Variants in ELP2 observed in about 807,000 individuals in gnomAD.
ELP2 encodes the protein elongator acetyltransferase complex subunit 2, also known as elongator complex protein 2.
In ELP2, 90 loss-of-function variants were observed where a neutral mutation model predicts 119.2. The observed-to-expected ratio is 0.75, with a 90% CI of 0.64 to 0.90. The LOEUF (loss-of-function observed/expected upper bound fraction) is 0.90, where lower values mean the gene tolerates loss of function less well. Among genes scored for constraint, ELP2 ranks in the 40% least tolerant of loss-of-function variants. ELP2 has a pLI of 0.00. For synonymous variants in ELP2, 339 were observed against 331.0 expected, an observed-to-expected ratio of 1.02 and a Z score of -0.26; for missense variants, 921 against 967.8, an observed-to-expected ratio of 0.95 and a Z score of 0.64.
intron 9 of ELP2, 89 bp from the exon 10 acceptor site, chr18:36,145,859 C>T: frequency 9.6e-7 from 1 of 1,044,758 alleles, no homozygotes. Flanking sequence ...AACATCCTTG[C>T]AGTACCCATG....
chr18:36,136,257 A>G, intron 2 of ELP2, 50 bp from the exon 3 acceptor site: 8 of 1,439,952 alleles, frequency 5.6e-6, no homozygotes, highest in Middle Eastern at 1.8e-4. Flanking sequence ...ATTTTTAAAA[A>G]TTGCAGAAAA....
At position 36,174,813 on chromosome 18, in the gene ELP2, C is replaced by T; in HGVS notation, c.*172C>T. ...CCAGGTTCAAGCGATTCTCTTTCTTCAGCCTCCTGAGTAGCTGGGACTAGA... is the reference window on the plus strand; with the variant it reads ...CCAGGTTCAAGCGATTCTCTTTCTTTAGCCTCCTGAGTAGCTGGGACTAGA... On this transcript the variant is annotated 3_prime_UTR_variant, in exon 22 of 22. Transcript: ENST00000358232. The T allele has an allele frequency of 1.6e-6, 1 of 624,614 alleles. No individual in the cohort carries two copies. The highest frequency in any genetic ancestry group is 2.0e-5 in the South Asian group (1 of 51,064). 38.7% of individuals were successfully genotyped at this position (624,614 alleles called of 1,614,324 possible). A position where few individuals can be genotyped will look rare whatever the true frequency, so the allele number is the denominator to read the frequency against.
chr18:36,174,398 A>G (rs2091170619), intron 21 of ELP2, 87 bp from the exon 22 acceptor site: 2 of 1,309,132 alleles, frequency 1.5e-6, no homozygotes, highest in African/African-American at 1.5e-5. Context: ...TAAAACCTGT[A>G]CATTTCAATT....
At chr18:36,143,636 A>G (rs2090110773) in intron 8 of ELP2, among the ~76,000 whole-genome samples, 1 of 151,612 alleles carries the variant, frequency 6.6e-6, no homozygotes, top group Non-Finnish European at 1.5e-5. Context: ...GCCTCAAATG[A>G]TCCTTCCACC....
chr18:36,166,319 GTTTTTTTTTTTTT>G (rs60477950), intron 18 of ELP2, among the ~76,000 whole-genome samples: 11 of 71,694 alleles, frequency 1.5e-4, no homozygotes, highest in South Asian at 1.2e-3. Flanking sequence ...GTTTTTTAGG[GTTTTTTTTTTTTT>G]TTTTTTTTTT....
chr18:36,138,620 G>C (rs1435956401), intron 4 of ELP2, 175 bp from the exon 5 acceptor site: 3 of 861,454 alleles, frequency 3.5e-6, no homozygotes, highest in South Asian at 3.1e-5. Flanking sequence ...TCATTTTGCT[G>C]TCTGTAACAT....
chr18:36,142,166 T>C, intron 6 of ELP2, 115 bp from the exon 7 acceptor site: 3 of 839,108 alleles, frequency 3.6e-6, no homozygotes, highest in South Asian at 1.4e-5. Flanking sequence ...TCTAATCAAA[T>C]AGTGTTCTCA....
intron 19 of ELP2, among the ~76,000 whole-genome samples, chr18:36,167,578 T>C (rs1379540008): frequency 6.6e-6 from 1 of 152,218 alleles, no homozygotes; most frequent in African/African-American, 2.4e-5. Context: ...TTTCTTACTT[T>C]TATGAATTTA....
At position 36,159,771 on chromosome 18, in the gene ELP2, T is replaced by G; in HGVS notation, c.1571T>G (p.Leu524Arg). ...TCTCAGCCTTCTGATGAAGAGGAGC[T>G]GTTAACTAGTACTGGTTTTGAGTAT... ...IASQPSDEEE[L>R]LTSTGFEYQQ... is the part of the protein sequence containing the mutation. The change falls in exon 15 of 22, where the codon CTG becomes CGG. Residue 524 changes from leucine to arginine, a missense_variant. Transcript: ENST00000358232. The G allele has an allele frequency of 1.2e-6, 2 of 1,614,042 alleles. No individual in the cohort carries two copies. Among genetic ancestry groups the G allele is most frequent in the Non-Finnish European group, 1.7e-6 (2 of 1,179,930 alleles).
At chr18:36,142,207 G>T in intron 6 of ELP2, 74 bp from the exon 7 acceptor site, 1 of 1,226,604 alleles carries the variant, frequency 8.2e-7, no homozygotes. Context: ...GACTGTCTGA[G>T]ACCAAATGAT....
At chr18:36,147,826 T>C (rs985730119) in intron 11 of ELP2, among the ~76,000 whole-genome samples, 2 of 151,366 alleles carry the variant, frequency 1.3e-5, no homozygotes, top group African/African-American at 2.5e-5. Context: ...TTTATTTTAT[T>C]ATTATTGTTG....
At position 36,136,252 on chromosome 18, in the gene ELP2, T is replaced by C. The variant is rs549365521; in HGVS notation, c.218-55T>C. 14 of 1,408,776 alleles carry C rather than the reference T, an allele frequency of 9.9e-6. No individual in the cohort carries two copies. The African/African-American group carries it at 1.8e-4, about 18-fold the overall frequency. The allele number at this position is 1,408,776 out of a possible 1,614,324, so 87.3% of individuals were successfully genotyped here. ...TTTTTTGGTGTAGCTTGGAAATTTTTAAAAATTGCAGAAAAAATGAATAAA... is the reference window on the plus strand; with the variant it reads ...TTTTTTGGTGTAGCTTGGAAATTTTCAAAAATTGCAGAAAAAATGAATAAA... On this transcript the variant is annotated intron_variant, in intron 2 of 21. Transcript: ENST00000358232.
At position 36,178,115 on chromosome 18, in the gene ELP2, C is replaced by G. The variant is rs2091265595; in HGVS notation, c.*3474C>G. 1 of 152,258 alleles carries G rather than the reference C, an allele frequency of 6.6e-6. No individual in the cohort carries two copies. The highest frequency in any genetic ancestry group is 1.5e-5 in the Non-Finnish European group (1 of 68,076). The allele number at this position is 152,258 out of a possible 1,614,324, so 9.4% of individuals were successfully genotyped here. A position where few individuals can be genotyped will look rare whatever the true frequency, so the allele number is the denominator to read the frequency against. Reference sequence around the variant, plus strand: ...AACAAGCTGCCCTCCCCAACTCCCTCCTTCCTGTTTCTCCCTCCTCGGCAC... The same window carrying G: ...AACAAGCTGCCCTCCCCAACTCCCTGCTTCCTGTTTCTCCCTCCTCGGCAC... On this transcript the variant is annotated 3_prime_UTR_variant, in exon 22 of 22. Coordinates refer to ENST00000358232, the MANE Select transcript of ELP2 (RefSeq NM_018255.4).
intron 1 of ELP2, among the ~76,000 whole-genome samples, chr18:36,132,584 G>T (rs922033400): frequency 1.3e-5 from 2 of 152,196 alleles, no homozygotes; most frequent in Non-Finnish European, 2.9e-5. Flanking sequence ...CTTTAATGGT[G>T]TGTGAAGTAT....
chr18:36,176,053 A>G lies in ELP2; in HGVS notation c.*1412A>G, dbSNP rs2144855580. 1.3e-5 allele frequency: 2 copies of G among 152,314 alleles called. 1 individual carries two copies. The highest frequency in any genetic ancestry group is 4.1e-4 in the South Asian group (2 of 4,830). The allele number at this position is 152,314 out of a possible 1,614,324, so 9.4% of individuals were successfully genotyped here. A position where few individuals can be genotyped will look rare whatever the true frequency, so the allele number is the denominator to read the frequency against. The stretch of plus-strand genomic sequence containing the variant: ...TTTTCAAGTAGCCACATAATAAAGG[A>G]AACAGGTGAAATTTAATGACATATT... On this transcript the variant is annotated 3_prime_UTR_variant, in exon 22 of 22. Coordinates refer to ENST00000358232, the MANE Select transcript of ELP2 (RefSeq NM_018255.4).
intron 11 of ELP2, among the ~76,000 whole-genome samples, chr18:36,147,448 C>G (rs2090244259): frequency 6.6e-6 from 1 of 151,574 alleles, no homozygotes; most frequent in South Asian, 2.1e-4. Flanking sequence ...GAGTTTTGCT[C>G]TTTTGGCCCA....
Position 36,159,848 on chromosome 18 carries a change from CAATTT to C in ELP2, c.1630+22_1630+26del. On this transcript the variant is annotated intron_variant, in intron 15 of 21. Transcript: ENST00000358232. ...ACTTACTGGTAAGATGTGACAAAGACAATTTAATAAATCGCTAGAACACACAGTAT... is the reference window on the plus strand; with the variant it reads ...ACTTACTGGTAAGATGTGACAAAGACAATAAATCGCTAGAACACACAGTAT... 2.5e-6 allele frequency: 4 copies of C among 1,610,520 alleles called. No individual in the cohort carries two copies. Among genetic ancestry groups the C allele is most frequent in the Non-Finnish European group, 1.7e-6 (2 of 1,176,868 alleles).
Position 36,155,011 on chromosome 18 carries a change from T to C in ELP2, c.1275+12T>C. 1 of 1,586,102 alleles carries C rather than the reference T, an allele frequency of 6.3e-7. No individual in the cohort carries two copies. The highest frequency in any genetic ancestry group is 1.3e-5 in the African/African-American group (1 of 74,404). On this transcript the variant is annotated intron_variant, in intron 12 of 21. Coordinates refer to ENST00000358232, the MANE Select transcript of ELP2 (RefSeq NM_018255.4). ...AAGACCAATCACAGGTAAAATGTCT[T>C]ATTTATTTATTTATTTTTTCTTGGG...
Position 36,178,630 on chromosome 18 carries a change from GT to G in ELP2, c.*3999del, listed in dbSNP as rs1162917054. 1.4e-5 allele frequency: 2 copies of G among 142,828 alleles called. No homozygotes were observed. The highest frequency in any genetic ancestry group is 3.1e-5 in the Non-Finnish European group (2 of 65,168). 8.8% of individuals were successfully genotyped at this position (142,828 alleles called of 1,614,324 possible). Reference sequence around the variant, plus strand: ...TGGGGCTATGGTTATGATTGGTTTTGTTTTTTTTTTCTCTAGAGACTGGGTT... The same window carrying G: ...TGGGGCTATGGTTATGATTGGTTTTGTTTTTTTTTCTCTAGAGACTGGGTT... On this transcript the variant is annotated 3_prime_UTR_variant, in exon 22 of 22. Transcript: ENST00000358232.
Sources: gnomAD v4.1 joint callset for allele counts (sites outside exome capture counted in the v4.1 genomes callset) on GRCh38, gnomAD v4.1.1 for gene constraint, MANE v1.5 for transcripts, NCBI Gene and HGNC (gene_info 2026-07-23, HGNC 2026-07-21) for gene names.